Variants in PDGFRL observed in about 807,000 individuals in gnomAD.
The protein encoded by PDGFRL is platelet derived growth factor receptor like, also known as platelet-derived growth factor receptor-like protein.
Under a neutral mutation model 37.2 loss-of-function variants are expected in PDGFRL, and 46 were observed. The observed-to-expected ratio is 1.24, with a 90% CI of 0.98 to 1.58. PDGFRL has a LOEUF of 1.58. Among genes scored for constraint, PDGFRL ranks in the 40% most tolerant of loss-of-function variants. The pLI is 0.00. For synonymous variants in PDGFRL, 251 were observed against 184.3 expected (o/e 1.36, Z -2.93); for missense variants, 692 against 467.6 (o/e 1.48, Z -4.43).
chr8:17,608,544 G>C (rs1191446041), intron 2 of PDGFRL, among the ~76,000 whole-genome samples: 1 of 152,194 alleles, frequency 6.6e-6, no homozygotes, highest in Non-Finnish European at 1.5e-5. Flanking sequence ...AGAGCCGGAG[G>C]GGTGACCAGA....
chr8:17,634,669 G>T (rs1202313749), intron 5 of PDGFRL, among the ~76,000 whole-genome samples: 2 of 152,096 alleles, frequency 1.3e-5, no homozygotes, highest in Non-Finnish European at 2.9e-5. Context: ...TCCTTTGCAG[G>T]AACACAAATG....
At chr8:17,580,859 G>A (rs949886638) in intron 1 of PDGFRL, among the ~76,000 whole-genome samples, 1 of 151,970 alleles carries the variant, frequency 6.6e-6, no homozygotes, top group Admixed American at 6.6e-5. Flanking sequence ...GCAACCCCTT[G>A]GCATTTTTTT....
chr8:17,634,131 G>C lies in PDGFRL; in HGVS notation c.857G>C (p.Gly286Ala), dbSNP rs374927293. 1.2e-6 allele frequency: 2 copies of C among 1,613,502 alleles called. No individual in the cohort carries two copies. Among genetic ancestry groups the C allele is most frequent in the Non-Finnish European group, 1.7e-6 (2 of 1,179,452 alleles). Reference protein sequence around the residue: ...ILASSNKVKSGDDISVLCTVL... With the variant: ...ILASSNKVKSADDISVLCTVL... Reference sequence around the variant, plus strand: ...GCTTCTTCAAACAAAGTGAAAAGTGGGGACGACATCAGTGTGCTCTGCACT... The same window carrying C: ...GCTTCTTCAAACAAAGTGAAAAGTGCGGACGACATCAGTGTGCTCTGCACT... Residue 286 changes from glycine (G) to alanine (A), a missense_variant, in exon 5 of 6, where the codon GGG becomes GCG. Gly to Ala is a moderately conservative substitution (Grantham distance 60). Transcript: ENST00000251630.
At position 17,638,777 on chromosome 8, in the gene PDGFRL, ATATATATAT is replaced by A. The variant is rs1563532531; in HGVS notation, c.940-3835_940-3827del. Among the ~76,000 whole-genome samples, 80 of 92,966 alleles carry A rather than the reference ATATATATAT, an allele frequency of 8.6e-4. 3 individuals are homozygous for A. Among genetic ancestry groups the A allele is most frequent in the East Asian group, 3.4e-3 (13 of 3,786 alleles). The allele number at this position is 92,966 out of a possible 152,430, so 61.0% of individuals were successfully genotyped here. On this transcript the variant is annotated intron_variant, in intron 5 of 5. Transcript: ENST00000251630. Reference sequence around the variant, plus strand: ...TATATATATATATATATATATATATATATATATATAATTGTGATATTTTCCTGTTGGGCA... The same window carrying A: ...TATATATATATATATATATATATATAAATTGTGATATTTTCCTGTTGGGCA...
At chr8:17,580,446 T>C (rs1803682628) in intron 1 of PDGFRL, among the ~76,000 whole-genome samples, 1 of 152,200 alleles carries the variant, frequency 6.6e-6, no homozygotes, top group Non-Finnish European at 1.5e-5. Flanking sequence ...TTGGCTGGCA[T>C]GTTTGACATA....
At chr8:17,589,103 C>T (rs1457323777) in intron 1 of PDGFRL, among the ~76,000 whole-genome samples, 1 of 152,116 alleles carries the variant, frequency 6.6e-6, no homozygotes, top group Non-Finnish European at 1.5e-5. Flanking sequence ...GAGGGCTGGG[C>T]ATGGTGGCTC....
rs1419013285 is a variant in PDGFRL, at chr8:17,590,544, T to G, written c.353+779T>G. ...CTGGCCAACATGGTGAAACCCCGTCTCTACAAGAAATATAAATTAGCCAGA... is the reference window on the plus strand; with the variant it reads ...CTGGCCAACATGGTGAAACCCCGTCGCTACAAGAAATATAAATTAGCCAGA... On this transcript the variant is annotated intron_variant, in intron 2 of 5. Transcript: ENST00000251630. 3.3e-5 allele frequency among the ~76,000 whole-genome samples: 5 copies of G among 152,010 alleles called. No individual in the cohort carries two copies. In the East Asian group the frequency reaches 7.8e-4, roughly 24 times the overall value.
rs781139733 is a variant in PDGFRL at position 17,628,500 on chromosome 8, CTT to C, written c.521_522del (p.Phe174CysfsTer52). On this transcript the variant is annotated frameshift_variant, in exon 4 of 6. Transcript: ENST00000251630. LOFTEE classifies it high-confidence loss of function. ...TTCCCTTTGCAGAGAAAGGAGAACT[CTT>C]TGTACCTTCTCCCAGCTACTTCGAT... ...YIFFTEKGELFVPSPSYFDVV... is the reference protein window; with the variant it reads ...YIFFTEKGELXVPSPSYFDVV... 21 of 1,613,454 alleles carry C rather than the reference CTT, an allele frequency of 1.3e-5. No homozygotes were observed. The East Asian group carries it at 1.6e-4, about 12-fold the overall frequency.
intron 1 of PDGFRL, among the ~76,000 whole-genome samples, chr8:17,586,142 T>A (rs1011839634): frequency 7.0e-6 from 1 of 142,974 alleles, no homozygotes; most frequent in African/African-American, 2.5e-5. Flanking sequence ...TTGGAAGAGA[T>A]GAGGTTTTAC....
At chr8:17,623,672 C>G (rs374411569) in intron 3 of PDGFRL, among the ~76,000 whole-genome samples, 1 of 151,972 alleles carries the variant, frequency 6.6e-6, no homozygotes, top group East Asian at 1.9e-4. Flanking sequence ...GTCAGGAGTT[C>G]GAGAACAGCC....
intron 2 of PDGFRL, among the ~76,000 whole-genome samples, chr8:17,619,740 C>G (rs1195598842): frequency 2.6e-5 from 4 of 152,206 alleles, no homozygotes; most frequent in African/African-American, 7.2e-5. Context: ...TGACTGCTTA[C>G]AAACGATTCA....
intron 5 of PDGFRL, among the ~76,000 whole-genome samples, chr8:17,641,293 C>T (rs1429197199): frequency 3.3e-5 from 5 of 152,196 alleles, no homozygotes; most frequent in African/African-American, 9.7e-5. Flanking sequence ...CCCCCTCACC[C>T]GAGTTCTGTC....
intron 2 of PDGFRL, among the ~76,000 whole-genome samples, chr8:17,618,700 C>T (rs1165617115): frequency 1.3e-5 from 2 of 152,142 alleles, no homozygotes; most frequent in Non-Finnish European, 2.9e-5. Flanking sequence ...CCTTTTCCAT[C>T]ACTGGTTTAA....
At chr8:17,633,116 T>G (rs1804896654) in intron 4 of PDGFRL, among the ~76,000 whole-genome samples, 1 of 152,200 alleles carries the variant, frequency 6.6e-6, no homozygotes, top group Non-Finnish European at 1.5e-5. Context: ...TAGGCCCACC[T>G]GCTAGCACAT....
intron 2 of PDGFRL, among the ~76,000 whole-genome samples, chr8:17,609,337 T>A (rs956110383): frequency 2.6e-5 from 4 of 152,050 alleles, no homozygotes; most frequent in Non-Finnish European, 5.9e-5. Flanking sequence ...TGAAACCCTA[T>A]GTCTACTAAA....
At position 17,642,868 on chromosome 8, in the gene PDGFRL, C is replaced by CT; in HGVS notation, c.*71dup. The CT allele has an allele frequency of 9.8e-7, 1 of 1,021,326 alleles. No individual in the cohort carries two copies. The highest frequency in any genetic ancestry group is 1.5e-6 in the Non-Finnish European group (1 of 667,678). The allele number at this position is 1,021,326 out of a possible 1,614,324, so 63.3% of individuals were successfully genotyped here. Reference sequence around the variant, plus strand: ...GTGTACACAGTCAGCTTTGGGGTTCCTTTTATTAGTGCTTTGCCAGAGGCT... The same window carrying CT: ...GTGTACACAGTCAGCTTTGGGGTTCCTTTTTATTAGTGCTTTGCCAGAGGCT... On this transcript the variant is annotated 3_prime_UTR_variant, in exon 6 of 6. Transcript: ENST00000251630.
At chr8:17,617,022 G>C (rs1804544342) in intron 2 of PDGFRL, among the ~76,000 whole-genome samples, 1 of 152,198 alleles carries the variant, frequency 6.6e-6, no homozygotes, top group African/African-American at 2.4e-5. Flanking sequence ...CCACCCCCAG[G>C]AGAGAGCAGC....
chr8:17,618,264 C>T (rs1431903184), intron 2 of PDGFRL, among the ~76,000 whole-genome samples: 3 of 152,046 alleles, frequency 2.0e-5, no homozygotes, highest in Non-Finnish European at 4.4e-5. Flanking sequence ...CTATGTTGCC[C>T]AATCTGGTCA....
chr8:17,641,294 G>A (rs928029414), intron 5 of PDGFRL, among the ~76,000 whole-genome samples: 3 of 152,180 alleles, frequency 2.0e-5, no homozygotes, highest in African/African-American at 4.8e-5. Flanking sequence ...CCCCTCACCC[G>A]AGTTCTGTCC....
Sources: gnomAD v4.1 joint callset for allele counts (sites outside exome capture counted in the v4.1 genomes callset) on GRCh38, gnomAD v4.1.1 for gene constraint, MANE v1.5 for transcripts, NCBI Gene and HGNC (gene_info 2026-07-23, HGNC 2026-07-21) for gene names.